Variants in TTC6 observed in about 807,000 individuals in gnomAD.
TTC6 encodes the protein tetratricopeptide repeat domain 6, also known as tetratricopeptide repeat protein 6.
A neutral mutation model predicts 210.4 loss-of-function variants in TTC6; 172 were observed. The ratio of observed to expected loss-of-function variants is 0.82; its 90% CI spans 0.72 to 0.93. TTC6 has a LOEUF of 0.93. Ranked by LOEUF, TTC6 falls within the 40% of genes least tolerant of loss-of-function variation. TTC6 has a pLI of 0.00. For missense variants in TTC6, 2,414 were observed against 2,318.1 expected (o/e 1.04, Z -0.85); for synonymous variants, 804 against 819.6 (o/e 0.98, Z 0.32).
chr14:37,679,566 C>G (rs375882281), intron 1 of TTC6, among the ~76,000 whole-genome samples: 3 of 151,958 alleles, frequency 2.0e-5, no homozygotes, highest in South Asian at 4.1e-4. Flanking sequence ...TACAATCTGA[C>G]TTAATAGCAT....
Position 37,778,849 on chromosome 14 carries a change from C to T in TTC6, c.3267-8619C>T, listed in dbSNP as rs536932471. Among the ~76,000 whole-genome samples the T allele has an allele frequency of 2.4e-4, 36 of 152,224 alleles. No individual in the cohort carries two copies. The South Asian group carries it at 4.8e-3, about 20-fold the overall frequency. The stretch of plus-strand genomic sequence containing the variant: ...TGGGAGGGCACTCAAGTTGGACTGG[C>T]ATCATCTCCAGGGCAAGGTTGCCCT... On this transcript the variant is annotated intron_variant, in intron 14 of 30. Transcript: ENST00000553443.
rs2096145390 is a variant in TTC6 at position 37,817,659 on chromosome 14, G to C, written c.4763+8G>C. The C allele has an allele frequency of 6.2e-7, 1 of 1,613,700 alleles. No homozygotes were observed. The highest frequency in any genetic ancestry group is 1.1e-5 in the South Asian group (1 of 91,040). On this transcript the variant is annotated splice_region_variant and intron_variant, in intron 26 of 30. Transcript: ENST00000553443. ...TGCCATGTGCCATCACAGGTATGGAGTGCAATTGATGTCAAAGTGGAATCA... is the reference window on the plus strand; with the variant it reads ...TGCCATGTGCCATCACAGGTATGGACTGCAATTGATGTCAAAGTGGAATCA...
intron 8 of TTC6, 136 bp downstream of exon 10, chr14:37,736,146 G>C: frequency 1.8e-6 from 1 of 570,062 alleles, no homozygotes; most frequent in Admixed American, 3.1e-5. Flanking sequence ...GGCATTTTGG[G>C]AGTCTGAGGT....
rs142293964 is a variant in TTC6, at chr14:37,704,781, G to A, written c.1571+3255G>A. ...CTAATCTTAGAAAGGGTGTTTATAC[G>A]TTTACATTTTAATGTATTCTCTCAT... On this transcript the variant is annotated intron_variant, in intron 5 of 30. Coordinates refer to ENST00000553443, the Ensembl canonical transcript of TTC6. Among the ~76,000 whole-genome samples the A allele has an allele frequency of 2.2e-4, 33 of 151,880 alleles. No individual in the cohort carries two copies. In the East Asian group the frequency reaches 5.4e-3, roughly 25 times the overall value.
At chr14:37,807,488 G>A (rs756806025) in intron 23 of TTC6, 28 bp downstream of exon 25, 226 of 1,439,330 alleles carry the variant, frequency 1.6e-4, no homozygotes, top group Non-Finnish European at 1.9e-4. Flanking sequence ...CTGGTTTACC[G>A]AAATTTTAGG....
intron 10 of TTC6, among the ~76,000 whole-genome samples, chr14:37,740,138 G>A (rs1427570273): frequency 6.7e-6 from 1 of 149,074 alleles, no homozygotes; most frequent in Non-Finnish European, 1.5e-5. Flanking sequence ...ACTCCAGCCT[G>A]GGCGACAGAG....
At chr14:37,628,724 G>T (rs941413699) in intron 1 of TTC6, among the ~76,000 whole-genome samples, 1 of 152,136 alleles carries the variant, frequency 6.6e-6, no homozygotes. Flanking sequence ...TTCTTCTAGG[G>T]TTTTTATAGT....
intron 30 of TTC6, 119 bp from the exon 33 acceptor site, chr14:37,842,036 C>G: frequency 1.2e-6 from 1 of 863,126 alleles, no homozygotes; most frequent in African/African-American, 1.7e-5. Flanking sequence ...TATTAAAGTT[C>G]TTGATTTCAT....
rs567981916 is a variant in TTC6 at position 37,663,717 on chromosome 14, G to A, written c.940-16434G>A. On this transcript the variant is annotated intron_variant, in intron 1 of 30. Transcript: ENST00000553443. The stretch of plus-strand genomic sequence containing the variant: ...TAGTATGAGGTTCATGTGATGAGGA[G>A]GTCATGTTCCCAAATCAGCACTTAC... 2.6e-5 allele frequency among the ~76,000 whole-genome samples: 4 copies of A among 152,134 alleles called. No homozygotes were observed. In the East Asian group the frequency reaches 5.8e-4, roughly 22 times the overall value.
At chr14:37,751,544 G>A (rs905250401) in intron 13 of TTC6, among the ~76,000 whole-genome samples, 4 of 151,984 alleles carry the variant, frequency 2.6e-5, no homozygotes, top group African/African-American at 9.7e-5. Flanking sequence ...TTTGAAAATT[G>A]CTTCTTACCT....
chr14:37,727,646 T>A (rs548819233), intron 7 of TTC6, among the ~76,000 whole-genome samples: 117 of 151,162 alleles, frequency 7.7e-4, no homozygotes, highest in Non-Finnish European at 1.3e-3. Context: ...CTTCTTTTTT[T>A]AAAAATAATA....
chr14:37,778,155 G>A (rs1020088664), intron 14 of TTC6, among the ~76,000 whole-genome samples: 1 of 152,052 alleles, frequency 6.6e-6, no homozygotes, highest in Non-Finnish European at 1.5e-5. Flanking sequence ...GTGGTGTGCT[G>A]GTGGGCATAG....
intron 1 of TTC6, among the ~76,000 whole-genome samples, chr14:37,654,843 G>A (rs750419021): frequency 2.6e-5 from 4 of 152,070 alleles, no homozygotes; most frequent in Admixed American, 6.5e-5. Context: ...CCCAGAATAT[G>A]GTCAAGTCAG....
At chr14:37,631,732 G>A (rs566950656) in intron 1 of TTC6, among the ~76,000 whole-genome samples, 9 of 152,200 alleles carry the variant, frequency 5.9e-5, no homozygotes, top group Middle Eastern at 3.4e-3. Flanking sequence ...CATTCTCTCC[G>A]TCACTTTCAG....
At position 37,790,544 on chromosome 14, in the gene TTC6, T is replaced by G. The variant is rs183376055; in HGVS notation, c.3437-173T>G. 2.5e-3 allele frequency among the ~76,000 whole-genome samples: 381 copies of G among 152,344 alleles called. 1 individual carries two copies. Among genetic ancestry groups the G allele is most frequent in the African/African-American group, 8.6e-3 (356 of 41,588 alleles). ...ATTGTTACTAATAAATACATTTTAA[T>G]GTACAATACTATTATTTAACTTACC... On this transcript the variant is annotated intron_variant, in intron 15 of 30. Coordinates refer to ENST00000553443, the Ensembl canonical transcript of TTC6.
chr14:37,637,679 A>G (rs1186055269), intron 1 of TTC6, among the ~76,000 whole-genome samples: 1 of 152,190 alleles, frequency 6.6e-6, no homozygotes, highest in Non-Finnish European at 1.5e-5. Context: ...ATGAACAGAT[A>G]TTTTACAAAA....
chr14:37,610,462 T>C (rs1006695045), intron 2 of TTC6, among the ~76,000 whole-genome samples: 1 of 152,214 alleles, frequency 6.6e-6, no homozygotes, highest in Admixed American at 6.5e-5. Context: ...TAAACATGTG[T>C]GGGCCTGCTA....
chr14:37,826,196 C>A, exon 28 of TTC6: 1 of 1,574,050 alleles, frequency 6.4e-7, no homozygotes, highest in Non-Finnish European at 8.7e-7. Flanking sequence ...TTATTTTAGG[C>A]CCAAGGAAAA....
chr14:37,832,871 A>C (rs2096189196), intron 29 of TTC6, among the ~76,000 whole-genome samples: 1 of 151,964 alleles, frequency 6.6e-6, no homozygotes, highest in African/African-American at 2.4e-5. Flanking sequence ...CATCCTGGCC[A>C]ATATGGTGAA....
Sources: allele counts gnomAD v4.1 joint callset (sites outside exome capture counted in the v4.1 genomes callset), GRCh38; gene constraint gnomAD v4.1.1; transcripts MANE v1.5; gene names NCBI Gene and HGNC (gene_info 2026-07-23, HGNC 2026-07-21).